The following ASTN2 variants were observed in gnomAD, a reference collection of about 807,000 sequenced individuals.
The protein encoded by ASTN2 is astrotactin-2.
In ASTN2, 54 loss-of-function variants were observed where a neutral mutation model predicts 139.8. That is an observed-to-expected ratio of 0.39 (90% CI 0.31 to 0.48). ASTN2 has a LOEUF of 0.48. Ranked by LOEUF, ASTN2 falls within the 20% of genes least tolerant of loss-of-function variation. The pLI is 0.95. For missense variants in ASTN2, 1,565 were observed against 1,725.1 expected (o/e 0.91, Z 1.64); for synonymous variants, 756 against 719.5 (o/e 1.05, Z -0.81).
intron 19 of ASTN2, among the ~76,000 whole-genome samples, chr9:116,581,133 C>A (rs766114119): frequency 4.6e-5 from 7 of 152,100 alleles, no homozygotes; most frequent in Non-Finnish European, 7.4e-5. Context: ...AAGCTTCAGT[C>A]TTTTCTGAGG....
intron 10 of ASTN2, among the ~76,000 whole-genome samples, chr9:116,890,321 C>T (rs1833731679): frequency 6.6e-6 from 1 of 152,190 alleles, no homozygotes; most frequent in Non-Finnish European, 1.5e-5. Flanking sequence ...ATATTCCTAA[C>T]TGCACCTGCC....
At chr9:116,498,233 A>G (rs1469255644) in intron 19 of ASTN2, among the ~76,000 whole-genome samples, 1 of 152,196 alleles carries the variant, frequency 6.6e-6, no homozygotes, top group Non-Finnish European at 1.5e-5. Flanking sequence ...CCACCACAAC[A>G]GGCACTTCTT....
At chr9:117,274,628 A>C (rs899792914) in intron 2 of ASTN2, among the ~76,000 whole-genome samples, 1 of 152,258 alleles carries the variant, frequency 6.6e-6, no homozygotes, top group African/African-American at 2.4e-5. Context: ...GATATGAAGA[A>C]AGGCTTCACA....
chr9:116,584,887 T>A (rs554171845), intron 19 of ASTN2: 1 of 152,356 alleles, frequency 6.6e-6, no homozygotes, highest in South Asian at 2.1e-4. Context: ...CAAGACTAGA[T>A]GATCTCTTAA....
Position 116,607,337 on chromosome 9 carries a change from T to C in ASTN2, c.3355+10987A>G, listed in dbSNP as rs117870478. ...ATCATCTTGTATCTTTAAAAACAAC[T>C]GCCCACCCACAAAGTCAGGAATTGG... On this transcript the variant is annotated intron_variant, in intron 19 of 22. Coordinates refer to ENST00000313400, the MANE Select transcript of ASTN2 (RefSeq NM_001365068.1). Among the ~76,000 whole-genome samples the C allele has an allele frequency of 5.0e-3, 768 of 152,082 alleles. 20 individuals are homozygous for C. The East Asian group carries it at 0.081, about 16-fold the overall frequency.
chr9:117,077,038 C>T (rs115366376), intron 5 of ASTN2, among the ~76,000 whole-genome samples: 1,619 of 152,208 alleles, frequency 0.011, 32 homozygotes, highest in African/African-American at 0.037. Flanking sequence ...TTTCACTAAT[C>T]GCCCGGCTGT....
intron 20 of ASTN2, among the ~76,000 whole-genome samples, chr9:116,453,063 G>A (rs935447625): frequency 3.3e-5 from 5 of 152,156 alleles, no homozygotes; most frequent in Admixed American, 6.5e-5. Context: ...ATTATAGGCA[G>A]AATGGTTCTT....
At chr9:116,514,984 G>A (rs1564334613) in intron 19 of ASTN2, among the ~76,000 whole-genome samples, 1 of 151,988 alleles carries the variant, frequency 6.6e-6, no homozygotes, top group Non-Finnish European at 1.5e-5. Flanking sequence ...CTCACGCTTG[G>A]TGTGCTGCAC....
chr9:116,616,369 G>C (rs756127477), intron 19 of ASTN2, among the ~76,000 whole-genome samples: 1 of 152,190 alleles, frequency 6.6e-6, no homozygotes, highest in Non-Finnish European at 1.5e-5. Context: ...TGTTGAGAGA[G>C]AGAAGACTTT....
chr9:116,724,363 C>T (rs549919190), intron 16 of ASTN2, among the ~76,000 whole-genome samples: 2 of 152,260 alleles, frequency 1.3e-5, no homozygotes, highest in Admixed American at 6.5e-5. Flanking sequence ...CATAAACCAC[C>T]CCGTGCCCCA....
At chr9:116,883,658 G>T (rs181063881) in intron 10 of ASTN2, among the ~76,000 whole-genome samples, 19 of 152,286 alleles carry the variant, frequency 1.2e-4, no homozygotes, top group African/African-American at 4.1e-4. Flanking sequence ...TGGCATGGAG[G>T]TTGCAGATGC....
chr9:117,249,326 T>G (rs866753062), intron 2 of ASTN2, among the ~76,000 whole-genome samples: 1 of 152,228 alleles, frequency 6.6e-6, no homozygotes, highest in African/African-American at 2.4e-5. Flanking sequence ...CTGTCCTTTC[T>G]GTTTAATCTC....
intron 19 of ASTN2, among the ~76,000 whole-genome samples, chr9:116,573,909 C>T (rs72760002): frequency 0.16 from 24,648 of 152,088 alleles, 2,509 homozygotes; most frequent in Non-Finnish European, 0.23. Context: ...CAAAGCCATA[C>T]GTTGTACTTA....
chr9:117,021,552 T>C lies in ASTN2; in HGVS notation c.1424-13293A>G, dbSNP rs188328074. Among the ~76,000 whole-genome samples the C allele has an allele frequency of 5.5e-3, 832 of 152,268 alleles. 7 individuals are homozygous for C. The highest frequency in any genetic ancestry group is 0.018 in the South Asian group (87 of 4,824). The stretch of plus-strand genomic sequence containing the variant: ...ACTAGTCAACTGCTATTCTTTGTTG[T>C]TGTCAAATTCATTTAGATGAGGAAG... On this transcript the variant is annotated intron_variant, in intron 6 of 22. Coordinates refer to ENST00000313400, the MANE Select transcript of ASTN2 (RefSeq NM_001365068.1).
At chr9:116,767,454 T>C (rs992309555) in intron 13 of ASTN2, among the ~76,000 whole-genome samples, 8 of 152,188 alleles carry the variant, frequency 5.3e-5, no homozygotes, top group Non-Finnish European at 1.2e-4. Flanking sequence ...ACCTCTGTTC[T>C]CTAGGCGTAT....
At chr9:116,498,043 C>G (rs1291073032) in intron 19 of ASTN2, among the ~76,000 whole-genome samples, 1 of 152,156 alleles carries the variant, frequency 6.6e-6, no homozygotes, top group Non-Finnish European at 1.5e-5. Flanking sequence ...AGGAGCCCCT[C>G]TGTCCACAAA....
intron 1 of ASTN2, among the ~76,000 whole-genome samples, chr9:117,347,611 A>G (rs780057207): frequency 6.6e-6 from 1 of 152,158 alleles, no homozygotes; most frequent in Non-Finnish European, 1.5e-5. Flanking sequence ...TTGTAACCAC[A>G]CCCAATTATC....
At chr9:116,668,726 G>A (rs1182839305) in intron 16 of ASTN2, among the ~76,000 whole-genome samples, 1 of 152,158 alleles carries the variant, frequency 6.6e-6, no homozygotes, top group Non-Finnish European at 1.5e-5. Context: ...CAACTCCTTT[G>A]GACAAATACC....
rs34816182 is a variant in ASTN2 at position 116,455,348 on chromosome 9, C to CA, written c.3498-12796dup. 8.4e-3 allele frequency among the ~76,000 whole-genome samples: 1,042 copies of CA among 123,760 alleles called. 12 individuals are homozygous for CA. The highest frequency in any genetic ancestry group is 0.029 in the African/African-American group (932 of 32,326). 81.2% of individuals were successfully genotyped at this position (123,760 alleles called of 152,430 possible). A position where few individuals can be genotyped will look rare whatever the true frequency, so the allele number is the denominator to read the frequency against. ...TGGGTGACAGAGTGCGATTCTGTCTCAAAAAAAAAAAAAAAAAGAAAAGAA... is the reference window on the plus strand; with the variant it reads ...TGGGTGACAGAGTGCGATTCTGTCTCAAAAAAAAAAAAAAAAAAGAAAAGAA... On this transcript the variant is annotated intron_variant, in intron 20 of 22. Coordinates refer to ENST00000313400, the MANE Select transcript of ASTN2 (RefSeq NM_001365068.1).
Sources: gnomAD v4.1 joint callset for allele counts (sites outside exome capture counted in the v4.1 genomes callset) on GRCh38, gnomAD v4.1.1 for gene constraint, MANE v1.5 for transcripts, NCBI Gene and HGNC (gene_info 2026-07-23, HGNC 2026-07-21) for gene names.